Variants in COL5A2 observed in about 807,000 individuals in gnomAD.
COL5A2 encodes collagen alpha-2(V) chain.
A neutral mutation model predicts 208.2 loss-of-function variants in COL5A2; 23 were observed. The ratio of observed to expected loss-of-function variants is 0.11; its 90% CI spans 0.08 to 0.16. The LOEUF (loss-of-function observed/expected upper bound fraction) is 0.16. COL5A2 is among the 10% of genes least tolerant of loss of function. The pLI, the probability that COL5A2 is intolerant of heterozygous loss-of-function variation, is 1.00. For synonymous variants in COL5A2, 625 were observed against 628.5 expected (o/e 0.99, Z 0.08); for missense variants, 1,590 against 1,956.4 (o/e 0.81, Z 3.53).
At chr2:189,313,595 C>G in the COL5A2 span, among the ~76,000 whole-genome samples, 2 of 152,208 alleles carry the variant, frequency 1.3e-5, no homozygotes, top group African/African-American at 4.8e-5. Context: ...CATATCAATA[C>G]TAACCTTAAA....
the COL5A2 span, among the ~76,000 whole-genome samples, chr2:189,249,954 T>C: frequency 6.6e-5 from 10 of 152,212 alleles, no homozygotes; most frequent in Non-Finnish European, 1.3e-4. Flanking sequence ...GGCCTCGGCA[T>C]CTCAAAGTGC....
At chr2:189,207,028 A>G (rs1207096010) in intron 1 of COL5A2, among the ~76,000 whole-genome samples, 1 of 152,234 alleles carries the variant, frequency 6.6e-6, no homozygotes, top group Non-Finnish European at 1.5e-5. Context: ...TTGTAAACAT[A>G]ACCTTGGATT....
At chr2:189,269,020 T>G in the COL5A2 span, among the ~76,000 whole-genome samples, 169 of 152,212 alleles carry the variant, frequency 1.1e-3, no homozygotes, top group African/African-American at 3.8e-3. Flanking sequence ...CAATGAGAGA[T>G]TCCATAGAAT....
At chr2:189,369,720 A>G in the COL5A2 span, among the ~76,000 whole-genome samples, 68 of 152,328 alleles carry the variant, frequency 4.5e-4, 1 homozygote, top group African/African-American at 1.6e-3. Context: ...AAATTACATA[A>G]TTCCAAAACA....
intron 1 of COL5A2, among the ~76,000 whole-genome samples, chr2:189,134,704 G>C (rs762337139): frequency 7.2e-5 from 11 of 152,164 alleles, no homozygotes; most frequent in Non-Finnish European, 1.0e-4. Flanking sequence ...TGGAATTTGA[G>C]GGTCAGCAAA....
intron 1 of COL5A2, among the ~76,000 whole-genome samples, chr2:189,122,153 C>T (rs1687514605): frequency 6.6e-6 from 1 of 152,172 alleles, no homozygotes; most frequent in East Asian, 1.9e-4. Context: ...TGTAAAGTAT[C>T]TTCTATCCAG....
intron 36 of COL5A2, 73 bp from the exon 37 acceptor site, chr2:189,054,021 G>T: frequency 6.8e-7 from 1 of 1,472,314 alleles, no homozygotes; most frequent in Non-Finnish European, 9.5e-7. Context: ...TGGTCACTGT[G>T]TAGGAGGAGA....
chr2:189,226,043 T>C (rs958914937), upstream of COL5A2, among the ~76,000 whole-genome samples: 1 of 152,170 alleles, frequency 6.6e-6, no homozygotes, highest in African/African-American at 2.4e-5. Context: ...ACAAAGGCAA[T>C]ATGCCTACAA....
chr2:189,328,736 C>T, the COL5A2 span, among the ~76,000 whole-genome samples: 1 of 152,072 alleles, frequency 6.6e-6, no homozygotes, highest in African/African-American at 2.4e-5. Flanking sequence ...GTCAACAATG[C>T]CAAATTGTTG....
chr2:189,086,048 A>G (rs1247756950), intron 9 of COL5A2, among the ~76,000 whole-genome samples: 1 of 152,208 alleles, frequency 6.6e-6, no homozygotes, highest in Admixed American at 6.5e-5. Context: ...TGAGTGCTCC[A>G]TCAATGGTAG....
Position 189,048,199 on chromosome 2 carries a change from T to C in COL5A2, c.3201+10A>G. 3 of 1,612,522 alleles carry C rather than the reference T, an allele frequency of 1.9e-6. No individual in the cohort carries two copies. Among genetic ancestry groups the C allele is most frequent in the Non-Finnish European group, 2.5e-6 (3 of 1,178,542 alleles). Reference sequence around the variant, plus strand: ...ACTTTAGATTTTATAATAAGTGAAATGGCTCTTACACGTTCTCCAACAGCA... The same window carrying C: ...ACTTTAGATTTTATAATAAGTGAAACGGCTCTTACACGTTCTCCAACAGCA... On this transcript the variant is annotated intron_variant, in intron 45 of 53. Transcript: ENST00000374866.
At chr2:189,180,102 GAA>G (rs1688755271), upstream of COL5A2, among the ~76,000 whole-genome samples, 1 of 151,772 alleles carries the variant, frequency 6.6e-6, no homozygotes, top group African/African-American at 2.4e-5. Flanking sequence ...CCTATAAGCT[GAA>G]AAAGACATTC....
chr2:189,083,765 C>T (rs1173574523), intron 12 of COL5A2, among the ~76,000 whole-genome samples: 2 of 152,038 alleles, frequency 1.3e-5, no homozygotes, highest in African/African-American at 4.8e-5. Context: ...ACTTCTCTAG[C>T]TCCAGAAGGC....
At chr2:189,063,138 ATGAGG>A (rs1686071507) in intron 27 of COL5A2, 29 bp downstream of exon 27, 1 of 1,610,862 alleles carries the variant, frequency 6.2e-7, no homozygotes, top group African/African-American at 1.3e-5. Flanking sequence ...GAGGATCATG[ATGAGG>A]TGGCCAACAT....
intron 1 of COL5A2, among the ~76,000 whole-genome samples, chr2:189,158,336 T>C (rs144879278): frequency 8.3e-4 from 126 of 152,192 alleles, no homozygotes; most frequent in African/African-American, 2.9e-3. Context: ...TTACTAGCTC[T>C]ATGAACATTT....
chr2:189,370,899 C>T, the COL5A2 span, among the ~76,000 whole-genome samples: 1 of 152,208 alleles, frequency 6.6e-6, no homozygotes, highest in African/African-American at 2.4e-5. Flanking sequence ...GGATGTGATA[C>T]ATTATGGAAA....
In COL5A2 at chr2:189,189,905, A is replaced by T. The variant is rs544352592; in HGVS notation, c.-42+35243T>A. Among the ~76,000 whole-genome samples the T allele has an allele frequency of 2.6e-5, 4 of 152,330 alleles. No individual in the cohort carries two copies. In the South Asian group the frequency reaches 8.3e-4, roughly 32 times the overall value. On this transcript the variant is annotated intron_variant, in intron 1 of 10. Transcript: ENST00000649966. ...GCATTGATTATACCGCTTAGAAATC[A>T]GCAGCAATCCAAATATTTGGCACTA...
Position 189,034,904 on chromosome 2 carries a change from A to C in COL5A2, c.4353+12T>G. The C allele has an allele frequency of 6.2e-7, 1 of 1,613,864 alleles. No homozygotes were observed. The highest frequency in any genetic ancestry group is 8.5e-7 in the Non-Finnish European group (1 of 1,179,822). ...TCCTCAACCAGATCAATGTAGATCA[A>C]AAAGTACTTACAGAGCAAGTGTCTT... On this transcript the variant is annotated intron_variant, in intron 53 of 53. Coordinates refer to ENST00000374866, the MANE Select transcript of COL5A2 (RefSeq NM_000393.5).
the COL5A2 span, among the ~76,000 whole-genome samples, chr2:189,422,437 A>G: frequency 6.6e-6 from 1 of 152,196 alleles, no homozygotes; most frequent in South Asian, 2.1e-4. Flanking sequence ...ATCAAGCAGA[A>G]GAAAGAATTT....
Sources: gnomAD v4.1 joint callset for allele counts (sites outside exome capture counted in the v4.1 genomes callset) on GRCh38, gnomAD v4.1.1 for gene constraint, MANE v1.5 for transcripts, NCBI Gene and HGNC (gene_info 2026-07-23, HGNC 2026-07-21) for gene names.